The following UNC5D variants were observed in gnomAD, a reference collection of about 807,000 sequenced individuals.
The protein encoded by UNC5D is unc-5 netrin receptor D.
A neutral mutation model predicts 105.4 loss-of-function variants in UNC5D; 39 were observed. The ratio of observed to expected loss-of-function variants is 0.37; its 90% CI spans 0.29 to 0.48. The LOEUF (loss-of-function observed/expected upper bound fraction) is 0.48, where lower values mean the gene tolerates loss of function less well. Among genes scored for constraint, UNC5D ranks in the 20% least tolerant of loss-of-function variants. The pLI is 0.98. For synonymous variants in UNC5D, 452 were observed against 450.4 expected (o/e 1.00, Z -0.04); for missense variants, 991 against 1,202.4 (o/e 0.82, Z 2.60).
At position 35,235,536 on chromosome 8, in the gene UNC5D, G is replaced by T. The variant is rs1043403458; in HGVS notation, c.-249G>T. 5.7e-6 allele frequency: 2 copies of T among 349,288 alleles called. No homozygotes were observed. Among genetic ancestry groups the T allele is most frequent in the Non-Finnish European group, 1.0e-5 (2 of 195,096 alleles). The allele number at this position is 349,288 out of a possible 1,614,324, so 21.6% of individuals were successfully genotyped here. On this transcript the variant is annotated 5_prime_UTR_variant, in exon 1 of 17. Transcript: ENST00000404895. ...GAACTGCGCGGCGGGGACTGCGGGC[G>T]ACTCCGGCATCCGCGCTGGCGGCAG...
chr8:35,684,857 C>A (rs1825900268), intron 6 of UNC5D, 108 bp downstream of exon 6: 1 of 1,366,804 alleles, frequency 7.3e-7, no homozygotes, highest in Non-Finnish European at 9.8e-7. Context: ...CTCCCAAGTT[C>A]TTAGAATAGA....
intron 11 of UNC5D, among the ~76,000 whole-genome samples, chr8:35,735,765 T>C (rs1829435192): frequency 6.6e-6 from 1 of 152,124 alleles, no homozygotes; most frequent in African/African-American, 2.4e-5. Context: ...ATTACTGTGG[T>C]TTTTCTTCCC....
intron 1 of UNC5D, among the ~76,000 whole-genome samples, chr8:35,312,629 A>G (rs1360862089): frequency 6.6e-6 from 1 of 152,206 alleles, no homozygotes; most frequent in Non-Finnish European, 1.5e-5. Context: ...ATTTTGACAT[A>G]TTCAATAGGC....
chr8:35,549,392 C>T lies in UNC5D; in HGVS notation c.204C>T (p.Ser68=), dbSNP rs377699818. Residue 68 remains serine, a synonymous_variant, in exon 2 of 17, where the codon AGC becomes AGT. Coordinates refer to ENST00000404895, the MANE Select transcript of UNC5D (RefSeq NM_080872.4). ...CAGATGATGCTTATATTATCAAGAGCAACCCTATTGCACTCAGGTGCAAAG... is the reference window on the plus strand; with the variant it reads ...CAGATGATGCTTATATTATCAAGAGTAACCCTATTGCACTCAGGTGCAAAG... ...EEPDDAYIIK[S]NPIALRCKAR... 133 of 1,613,418 alleles carry T rather than the reference C, an allele frequency of 8.2e-5. 1 individual carries two copies. The Admixed American group carries it at 1.4e-3, about 17-fold the overall frequency.
chr8:35,258,130 A>T (rs1804210123), intron 1 of UNC5D, among the ~76,000 whole-genome samples: 1 of 152,192 alleles, frequency 6.6e-6, no homozygotes, highest in Non-Finnish European at 1.5e-5. Flanking sequence ...TCTGCTTCCA[A>T]GATGATGCTT....
intron 5 of UNC5D, among the ~76,000 whole-genome samples, chr8:35,684,369 T>A (rs1825869784): frequency 6.6e-6 from 1 of 152,174 alleles, no homozygotes; most frequent in South Asian, 2.1e-4. Flanking sequence ...CAAGGCAAAT[T>A]CTGTGTCCCT....
intron 1 of UNC5D, among the ~76,000 whole-genome samples, chr8:35,427,748 C>T (rs1289994828): frequency 6.6e-6 from 1 of 152,122 alleles, no homozygotes; most frequent in Non-Finnish European, 1.5e-5. Flanking sequence ...ATCCTTGGTT[C>T]TCTTTAACAA....
chr8:35,716,787 G>A (rs1245291740), intron 8 of UNC5D, among the ~76,000 whole-genome samples: 1 of 152,134 alleles, frequency 6.6e-6, no homozygotes, highest in Non-Finnish European at 1.5e-5. Flanking sequence ...TGCTTAGCAT[G>A]GTTGGCCATG....
intron 1 of UNC5D, among the ~76,000 whole-genome samples, chr8:35,274,696 G>T (rs1033775825): frequency 6.6e-6 from 1 of 152,138 alleles, no homozygotes. Context: ...GCAGCTTTAT[G>T]ATGTAAAAGT....
intron 4 of UNC5D, among the ~76,000 whole-genome samples, chr8:35,597,852 A>G (rs553535289): frequency 2.0e-5 from 3 of 152,256 alleles, no homozygotes; most frequent in African/African-American, 7.2e-5. Flanking sequence ...AGCTACTCCA[A>G]AGCACTCCAG....
intron 1 of UNC5D, among the ~76,000 whole-genome samples, chr8:35,372,828 C>T (rs879295915): frequency 1.3e-5 from 2 of 152,126 alleles, no homozygotes; most frequent in Non-Finnish European, 2.9e-5. Context: ...TGTCAAATTT[C>T]TGGCCTCAAG....
intron 14 of UNC5D, among the ~76,000 whole-genome samples, chr8:35,762,620 A>G (rs1801589838): frequency 6.6e-6 from 1 of 152,166 alleles, no homozygotes; most frequent in Non-Finnish European, 1.5e-5. Context: ...CTGGGAGGTA[A>G]ATAATTCTAT....
chr8:35,357,800 C>T (rs1201825235), intron 1 of UNC5D, among the ~76,000 whole-genome samples: 1 of 152,108 alleles, frequency 6.6e-6, no homozygotes, highest in Admixed American at 6.6e-5. Flanking sequence ...TCCTCTGGGT[C>T]AAGAAATTAT....
intron 2 of UNC5D, among the ~76,000 whole-genome samples, chr8:35,551,567 C>A (rs1459662582): frequency 2.0e-5 from 3 of 152,064 alleles, no homozygotes; most frequent in Non-Finnish European, 4.4e-5. Context: ...CGCCTGTAAT[C>A]CCAGCACTTT....
chr8:35,331,019 T>C (rs1280264744), intron 1 of UNC5D, among the ~76,000 whole-genome samples: 3 of 152,142 alleles, frequency 2.0e-5, no homozygotes, highest in Admixed American at 6.6e-5. Context: ...GGTTGGTTTG[T>C]TGTTTGCTAA....
chr8:35,446,089 A>G (rs929784760), intron 1 of UNC5D, among the ~76,000 whole-genome samples: 10 of 151,780 alleles, frequency 6.6e-5, no homozygotes, highest in African/African-American at 2.4e-4. Flanking sequence ...GATTTGTGAG[A>G]TTTTGGTGCA....
intron 1 of UNC5D, among the ~76,000 whole-genome samples, chr8:35,492,075 T>C (rs888539125): frequency 4.3e-4 from 65 of 152,064 alleles, no homozygotes; most frequent in African/African-American, 1.6e-3. Context: ...CTTCCATTGT[T>C]TTCAGAACAT....
chr8:35,719,309 A>G (rs1432440660), intron 8 of UNC5D, among the ~76,000 whole-genome samples: 2 of 152,216 alleles, frequency 1.3e-5, no homozygotes, highest in Non-Finnish European at 2.9e-5. Flanking sequence ...ATCTTTACAA[A>G]GAAAGCCACT....
intron 2 of UNC5D, among the ~76,000 whole-genome samples, chr8:35,558,708 C>T (rs369442170): frequency 5.9e-5 from 9 of 152,202 alleles, no homozygotes; most frequent in South Asian, 2.1e-4. Context: ...TCAGGCCGGG[C>T]GCAGTGGCTC....
Sources: gnomAD v4.1 joint callset for allele counts (sites outside exome capture counted in the v4.1 genomes callset) on GRCh38, gnomAD v4.1.1 for gene constraint, MANE v1.5 for transcripts, NCBI Gene and HGNC (gene_info 2026-07-23, HGNC 2026-07-21) for gene names.